The following ARFGEF1 variants were observed in gnomAD, a reference collection of about 807,000 sequenced individuals.
ARFGEF1 encodes the protein ARF guanine nucleotide exchange factor 1.
Under a neutral mutation model 231.0 loss-of-function variants are expected in ARFGEF1, and 42 were observed. The observed-to-expected ratio is 0.18, with a 90% CI of 0.14 to 0.24. ARFGEF1 has a LOEUF of 0.24. Ranked by LOEUF, ARFGEF1 falls within the 10% of genes least tolerant of loss-of-function variation. The pLI, the probability that ARFGEF1 is intolerant of heterozygous loss-of-function variation, is 1.00. For synonymous variants in ARFGEF1, 710 were observed against 732.3 expected, an observed-to-expected ratio of 0.97 and a Z score of 0.49; for missense variants, 1,345 against 2,192.0, an observed-to-expected ratio of 0.61 and a Z score of 7.72.
intron 29 of ARFGEF1, among the ~76,000 whole-genome samples, chr8:67,222,220 T>TACACACACAC (rs1563846483): frequency 8.3e-6 from 1 of 120,820 alleles, no homozygotes; most frequent in African/African-American, 3.3e-5. Context: ...CACATATATA[T>TACACACACAC]ATATGTATAT....
chr8:67,266,214 G>C lies in ARFGEF1; in HGVS notation c.1922-7C>G, dbSNP rs1241248316. On this transcript the variant is annotated splice_polypyrimidine_tract_variant and splice_region_variant and intron_variant, in intron 13 of 38. Coordinates refer to ENST00000262215, the MANE Select transcript of ARFGEF1 (RefSeq NM_006421.5). Reference sequence around the variant, plus strand: ...TCTGAGGGTTTTTCCTGACCTGAAAGAAGAAAAATTGATAGAGTACATTAT... The same window carrying C: ...TCTGAGGGTTTTTCCTGACCTGAAACAAGAAAAATTGATAGAGTACATTAT... 6.2e-7 allele frequency: 1 copy of C among 1,607,884 alleles called. No individual in the cohort carries two copies. Among genetic ancestry groups the C allele is most frequent in the Non-Finnish European group, 8.5e-7 (1 of 1,176,782 alleles).
chr8:67,228,431 G>C (rs1302919656), intron 23 of ARFGEF1, among the ~76,000 whole-genome samples, 167 bp from the exon 24 acceptor site: 1 of 151,828 alleles, frequency 6.6e-6, no homozygotes, highest in African/African-American at 2.4e-5. Context: ...AGTGTAGTCT[G>C]GATGTTTCTC....
chr8:67,181,847 C>T (rs1303834367), intron 5 of ARFGEF1, among the ~76,000 whole-genome samples: 1 of 152,146 alleles, frequency 6.6e-6, no homozygotes, highest in East Asian at 1.9e-4. Flanking sequence ...CCCTCCAGCC[C>T]CTGGCAGCCA....
At chr8:67,195,448 CTG>C (rs1196363489), downstream of ARFGEF1, 1 of 1,614,188 alleles carries the variant, frequency 6.2e-7, no homozygotes, top group Non-Finnish European at 8.5e-7. Flanking sequence ...GGATCAAACT[CTG>C]TAGCAACTGA....
intron 10 of ARFGEF1, among the ~76,000 whole-genome samples, chr8:67,267,951 T>C (rs983303969): frequency 2.6e-5 from 4 of 152,152 alleles, no homozygotes; most frequent in African/African-American, 7.2e-5. Flanking sequence ...AAAGTGAAAA[T>C]CTCTACTGTT....
chr8:67,304,779 A>T (rs1806660707), intron 1 of ARFGEF1, among the ~76,000 whole-genome samples: 2 of 152,256 alleles, frequency 1.3e-5, no homozygotes, highest in Non-Finnish European at 1.5e-5. Context: ...AGATTGCGCC[A>T]CTGCGCTCCA....
intron 7 of ARFGEF1, among the ~76,000 whole-genome samples, chr8:67,277,856 T>C (rs896542755): frequency 2.6e-5 from 4 of 152,242 alleles, no homozygotes; most frequent in African/African-American, 7.2e-5. Context: ...GTTTCTTTAT[T>C]GTAGCCTTTA....
chr8:67,259,563 T>C (rs1448003245), intron 15 of ARFGEF1, among the ~76,000 whole-genome samples: 1 of 152,116 alleles, frequency 6.6e-6, no homozygotes, highest in Non-Finnish European at 1.5e-5. Context: ...CTTACCTCTA[T>C]ATTTAGGAAA....
intron 22 of ARFGEF1, among the ~76,000 whole-genome samples, chr8:67,236,741 A>G (rs1839783085): frequency 6.6e-6 from 1 of 152,248 alleles, no homozygotes; most frequent in East Asian, 1.9e-4. Context: ...AAGGCATAAA[A>G]TAAGTGTTAC....
At chr8:67,343,088 A>AGG in intron 1 of ARFGEF1, 76 bp downstream of exon 1, 2 of 399,146 alleles carry the variant, frequency 5.0e-6, no homozygotes, top group Non-Finnish European at 9.6e-6. Context: ...GCCCCGGGCG[A>AGG]CCCCACCCCC....
chr8:67,203,887 C>T (rs1488212113), intron 35 of ARFGEF1, among the ~76,000 whole-genome samples: 1 of 152,202 alleles, frequency 6.6e-6, no homozygotes, highest in Non-Finnish European at 1.5e-5. Context: ...AGCCCTCCCC[C>T]TGCCGCCACA....
chr8:67,223,782 A>C (rs1201912897), intron 29 of ARFGEF1, among the ~76,000 whole-genome samples: 1 of 152,130 alleles, frequency 6.6e-6, no homozygotes, highest in African/African-American at 2.4e-5. Flanking sequence ...AGTTTTCATG[A>C]CCTGCTAGTC....
At chr8:67,297,350 A>C (rs1002338983) in intron 4 of ARFGEF1, among the ~76,000 whole-genome samples, 1 of 152,108 alleles carries the variant, frequency 6.6e-6, no homozygotes, top group South Asian at 2.1e-4. Flanking sequence ...AACACACTGA[A>C]CTCAATAGCT....
At position 67,296,524 on chromosome 8, in the gene ARFGEF1, G is replaced by A. The variant is rs1806238964; in HGVS notation, c.546C>T (p.Tyr182=). 5.0e-6 allele frequency: 8 copies of A among 1,613,844 alleles called. No individual in the cohort carries two copies. Among genetic ancestry groups the A allele is most frequent in the Non-Finnish European group, 6.8e-6 (8 of 1,179,952 alleles). The change falls in exon 5 of 39, where the codon TAC becomes TAT. Residue 182 remains tyrosine, a synonymous_variant. Transcript: ENST00000262215. ...LQAVRTCYNI[Y]LASKNLINQT... ...GATTGATGAGATTTTTGCTTGCTAA[G>A]TAGATATTGTAACATGTTCTCACAG...
chr8:67,320,668 AACAG>A (rs780191669), intron 1 of ARFGEF1, among the ~76,000 whole-genome samples: 2 of 152,220 alleles, frequency 1.3e-5, no homozygotes, highest in African/African-American at 2.4e-5. Flanking sequence ...GTAAAAAAGA[AACAG>A]ACAGTCAGGC....
Position 67,225,970 on chromosome 8 carries a change from T to C in ARFGEF1, c.4077+53A>G, listed in dbSNP as rs1323682513. The C allele has an allele frequency of 4.1e-6, 6 of 1,479,040 alleles. No homozygotes were observed. In the African/African-American group the frequency reaches 7.1e-5, roughly 17 times the overall value. 91.6% of individuals were successfully genotyped at this position (1,479,040 alleles called of 1,614,324 possible). Reference sequence around the variant, plus strand: ...CTCAATTCCCAAACAAACTTAAGATTTCAAATTGGAAAGAATACTCTGCAA... The same window carrying C: ...CTCAATTCCCAAACAAACTTAAGATCTCAAATTGGAAAGAATACTCTGCAA... On this transcript the variant is annotated intron_variant, in intron 28 of 38. Coordinates refer to ENST00000262215, the MANE Select transcript of ARFGEF1 (RefSeq NM_006421.5).
In ARFGEF1 at chr8:67,198,638, A is replaced by G; in HGVS notation, c.*296T>C. On this transcript the variant is annotated 3_prime_UTR_variant, in exon 39 of 39. Transcript: ENST00000262215. Reference sequence around the variant, plus strand: ...TTCTTTGGGTAAGTTTCACTTCCACACCTGCCAAAAACGTGGGGCTTTTCC... The same window carrying G: ...TTCTTTGGGTAAGTTTCACTTCCACGCCTGCCAAAAACGTGGGGCTTTTCC... The G allele has an allele frequency of 8.9e-7, 1 of 1,117,410 alleles. No homozygotes were observed. Among genetic ancestry groups the G allele is most frequent in the Non-Finnish European group, 1.1e-6 (1 of 914,304 alleles). The allele number at this position is 1,117,410 out of a possible 1,614,324, so 69.2% of individuals were successfully genotyped here.
chr8:67,324,871 C>T (rs1202842831), intron 1 of ARFGEF1, among the ~76,000 whole-genome samples: 1 of 149,444 alleles, frequency 6.7e-6, no homozygotes, highest in East Asian at 2.0e-4. Flanking sequence ...ATTTAAAATA[C>T]AAAACATTAG....
rs1839407349 is a variant in ARFGEF1, at chr8:67,227,326, A to G, written c.3744-17T>C. ...GTTGGAGACCTAAAAATATTAATAT[A>G]ATTGCTTGGATATGCAAACCGATAA... is the stretch of plus-strand genomic sequence containing the variant. On this transcript the variant is annotated splice_polypyrimidine_tract_variant and intron_variant, in intron 26 of 38. Transcript: ENST00000262215. 2 of 1,606,224 alleles carry G rather than the reference A, an allele frequency of 1.2e-6. No homozygotes were observed.
Sources: gnomAD v4.1 joint callset for allele counts (sites outside exome capture counted in the v4.1 genomes callset) on GRCh38, gnomAD v4.1.1 for gene constraint, MANE v1.5 for transcripts, NCBI Gene and HGNC (gene_info 2026-07-23, HGNC 2026-07-21) for gene names.